Variants in MRE11 observed in about 807,000 individuals in gnomAD.
The protein encoded by MRE11 is MRE11 double strand break repair nuclease, also known as double-strand break repair protein MRE11.
MRE11 carries 62 observed loss-of-function variants against 91.7 expected under a neutral mutation model. The ratio of observed to expected loss-of-function variants is 0.68; its 90% confidence interval spans 0.55 to 0.84. MRE11 has a LOEUF of 0.84. MRE11 is among the 40% of genes least tolerant of loss of function. MRE11 has a pLI of 0.00. For synonymous variants in MRE11, 273 were observed against 271.4 expected, an observed-to-expected ratio of 1.01 and a Z score of -0.06; for missense variants, 796 against 852.9, an observed-to-expected ratio of 0.93 and a Z score of 0.83.
At chr11:94,454,305 C>T (rs1591664901) in intron 14 of MRE11, among the ~76,000 whole-genome samples, 1 of 152,034 alleles carries the variant, frequency 6.6e-6, no homozygotes, top group Non-Finnish European at 1.5e-5. Flanking sequence ...AACTCCTGAG[C>T]TCAAGAGATC....
rs1555012726 is a variant in MRE11 at position 94,470,562 on chromosome 11, A to G, written c.926T>C (p.Met309Thr). Residue 309 changes from methionine to threonine, a missense_variant, in exon 9 of 20, where the codon ATG becomes ACG. Physicochemically the swap from Met to Thr is moderately conservative, Grantham distance 81. Transcript: ENST00000323929. The part of the protein sequence containing the change: ...IPLHTVRQFF[M>T]EDIVLANHPD... ...ATGATTAGCTAGAACAATATCCTCCATGAAAAACTGCCGCACTGTGTGAAG... is the reference window on the plus strand; with the variant it reads ...ATGATTAGCTAGAACAATATCCTCCGTGAAAAACTGCCGCACTGTGTGAAG... 6 of 1,613,234 alleles carry G rather than the reference A, an allele frequency of 3.7e-6. No homozygotes were observed. Among genetic ancestry groups the G allele is most frequent in the Non-Finnish European group, 4.2e-6 (5 of 1,179,440 alleles).
At chr11:94,467,349 G>A (rs1946589477) in intron 10 of MRE11, among the ~76,000 whole-genome samples, 1 of 151,954 alleles carries the variant, frequency 6.6e-6, no homozygotes, top group Non-Finnish European at 1.5e-5. Flanking sequence ...GTGTTACGGG[G>A]AAAAAAATAA....
chr11:94,498,864 G>T (rs1947454821), upstream of MRE11: 1 of 265,432 alleles, frequency 3.8e-6, no homozygotes, highest in Non-Finnish European at 7.2e-6. Flanking sequence ...CCACATCCTG[G>T]ATCTTTGTTG....
chr11:94,429,802 G>A, intron 19 of MRE11, 109 bp downstream of exon 19: 1 of 923,336 alleles, frequency 1.1e-6, no homozygotes, highest in Non-Finnish European at 1.7e-6. Context: ...GAACATAAAA[G>A]ATGAAGTTAT....
intron 6 of MRE11, 83 bp from the exon 7 acceptor site, chr11:94,476,486 C>A: frequency 2.3e-6 from 2 of 887,224 alleles, no homozygotes; most frequent in South Asian, 2.8e-5. Flanking sequence ...AAATTATGTC[C>A]TTCTCAAAGT....
chr11:94,458,245 G>A (rs13447672), intron 13 of MRE11, among the ~76,000 whole-genome samples: 5,111 of 151,140 alleles, frequency 0.034, 200 homozygotes, highest in African/African-American at 0.091. Flanking sequence ...CTGGGAAATA[G>A]AGAAAGTGAT....
chr11:94,474,768 G>T (rs1193234881), intron 7 of MRE11, among the ~76,000 whole-genome samples: 1 of 152,044 alleles, frequency 6.6e-6, no homozygotes, highest in Admixed American at 6.6e-5. Context: ...ACATCATATG[G>T]TGACTACCCA....
chr11:94,463,620 T>C (rs1257597540), intron 11 of MRE11, among the ~76,000 whole-genome samples: 2 of 152,186 alleles, frequency 1.3e-5, no homozygotes, highest in Admixed American at 6.5e-5. Flanking sequence ...GATGAGTTCA[T>C]GTCCTTTGTA....
At chr11:94,498,567 A>G (rs575126916), upstream of MRE11, 2 of 1,540,428 alleles carry the variant, frequency 1.3e-6, no homozygotes, top group East Asian at 2.2e-5. Flanking sequence ...TCTAAATACC[A>G]GTGCCTCCTG....
At chr11:94,481,857 C>T (rs1453619081) in intron 4 of MRE11, among the ~76,000 whole-genome samples, 1 of 152,038 alleles carries the variant, frequency 6.6e-6, no homozygotes, top group Non-Finnish European at 1.5e-5. Flanking sequence ...TTGGGATTTC[C>T]CTATCTTTGC....
intron 19 of MRE11, among the ~76,000 whole-genome samples, chr11:94,426,522 C>A (rs1204088352): frequency 6.6e-6 from 1 of 151,642 alleles, no homozygotes; most frequent in Non-Finnish European, 1.5e-5. Flanking sequence ...AAAGAACAAA[C>A]CAGCCCCCAA....
chr11:94,491,259 G>A (rs1465325112), intron 2 of MRE11, among the ~76,000 whole-genome samples: 1 of 152,012 alleles, frequency 6.6e-6, no homozygotes, highest in Non-Finnish European at 1.5e-5. Flanking sequence ...TGTAACCCAG[G>A]CCCAAAAGTT....
chr11:94,484,549 T>C (rs1418042650), intron 4 of MRE11, among the ~76,000 whole-genome samples: 6 of 152,166 alleles, frequency 3.9e-5, no homozygotes, highest in Non-Finnish European at 8.8e-5. Flanking sequence ...GAGACTCAAT[T>C]CTAACCAACA....
In MRE11 at chr11:94,474,960, C is replaced by T. The variant is rs889017553; in HGVS notation, c.659+1329G>A. ...GGTGCAAAGTTATATGAAGACCACACACATATCTAAACTCTGGCCTGCCCC... is the reference window on the plus strand; with the variant it reads ...GGTGCAAAGTTATATGAAGACCACATACATATCTAAACTCTGGCCTGCCCC... On this transcript the variant is annotated intron_variant, in intron 7 of 19. Transcript: ENST00000323929. 4.6e-5 allele frequency among the ~76,000 whole-genome samples: 7 copies of T among 152,154 alleles called. 1 individual carries two copies. The South Asian group carries it at 1.5e-3, about 32-fold the overall frequency.
upstream of MRE11, chr11:94,496,910 G>A: frequency 6.2e-7 from 1 of 1,613,344 alleles, no homozygotes; most frequent in South Asian, 1.1e-5. Context: ...AATGGAAAAA[G>A]ACCCAAGCAG....
At chr11:94,469,899 C>T (rs532388374) in intron 9 of MRE11, among the ~76,000 whole-genome samples, 1 of 152,214 alleles carries the variant, frequency 6.6e-6, no homozygotes, top group Non-Finnish European at 1.5e-5. Context: ...TGTCAAACCA[C>T]ATATTATTAA....
the MRE11 span, among the ~76,000 whole-genome samples, chr11:94,507,453 G>A: frequency 2.0e-5 from 3 of 151,892 alleles, no homozygotes; most frequent in Admixed American, 6.6e-5. Context: ...ACATGGTTTT[G>A]GTGTACATAC....
chr11:94,504,091 G>A, the MRE11 span, among the ~76,000 whole-genome samples: 4 of 152,132 alleles, frequency 2.6e-5, no homozygotes, highest in Admixed American at 6.5e-5. Context: ...TCTTGGTCAC[G>A]GGGACAGAGG....
intron 16 of MRE11, among the ~76,000 whole-genome samples, chr11:94,440,429 T>TA (rs1352342238): frequency 3.8e-4 from 43 of 114,280 alleles, no homozygotes; most frequent in African/African-American, 1.4e-3. Context: ...CCTCAAACAT[T>TA]TAAAAAAAAA....
Sources: allele counts gnomAD v4.1 joint callset (sites outside exome capture counted in the v4.1 genomes callset), GRCh38; gene constraint gnomAD v4.1.1; transcripts MANE v1.5; gene names NCBI Gene and HGNC (gene_info 2026-07-23, HGNC 2026-07-21).